Variants in ARMC3 observed in about 807,000 individuals in gnomAD.
ARMC3 encodes armadillo repeat-containing protein 3.
A neutral mutation model predicts 90.3 loss-of-function variants in ARMC3; 74 were observed. That is an observed-to-expected ratio of 0.82 (90% confidence interval 0.68 to 0.99). The LOEUF is 0.99. Ranked by LOEUF, ARMC3 falls within the 50% of genes least tolerant of loss-of-function variation. ARMC3 has a pLI of 0.00. For synonymous variants in ARMC3, 334 were observed against 361.8 expected, an observed-to-expected ratio of 0.92 and a Z score of 0.87; for missense variants, 958 against 1,042.8, an observed-to-expected ratio of 0.92 and a Z score of 1.12.
chr10:22,964,624 G>T (rs997215002), intron 7 of ARMC3, among the ~76,000 whole-genome samples: 2 of 151,540 alleles, frequency 1.3e-5, no homozygotes, highest in Admixed American at 6.6e-5. Flanking sequence ...TTTTTGGTTG[G>T]GGGGAGGGGT....
At chr10:22,929,403 G>T (rs1007419269) in intron 1 of ARMC3, among the ~76,000 whole-genome samples, 16 of 152,056 alleles carry the variant, frequency 1.1e-4, no homozygotes, top group Admixed American at 7.9e-4. Context: ...TATTTTATTC[G>T]TTGTGCCCTT....
chr10:23,004,392 C>T (rs940293294), intron 13 of ARMC3, among the ~76,000 whole-genome samples: 10 of 151,868 alleles, frequency 6.6e-5, no homozygotes, highest in Non-Finnish European at 1.3e-4. Flanking sequence ...TTGCCAAAAG[C>T]TGCCAAGATC....
chr10:22,928,376 G>A (rs1833797550), intron 1 of ARMC3, among the ~76,000 whole-genome samples: 1 of 152,192 alleles, frequency 6.6e-6, no homozygotes, highest in South Asian at 2.1e-4. Flanking sequence ...TTACTTGACT[G>A]TGAGCAACTC....
intron 2 of ARMC3, among the ~76,000 whole-genome samples, chr10:22,937,063 C>T (rs1456429270): frequency 1.3e-5 from 2 of 152,002 alleles, no homozygotes; most frequent in East Asian, 3.9e-4. Context: ...CCGCCATACC[C>T]GGCTAATTTT....
intron 16 of ARMC3, among the ~76,000 whole-genome samples, chr10:23,016,424 A>C (rs1307070254): frequency 6.6e-6 from 1 of 152,226 alleles, no homozygotes; most frequent in Non-Finnish European, 1.5e-5. Flanking sequence ...TCATCCACCT[A>C]TGAATGTAGA....
At chr10:22,929,521 C>G (rs1244143815) in intron 1 of ARMC3, among the ~76,000 whole-genome samples, 1 of 152,214 alleles carries the variant, frequency 6.6e-6, no homozygotes, top group East Asian at 1.9e-4. Context: ...CATTAACTAT[C>G]ATACCCAATA....
intron 7 of ARMC3, 25 bp downstream of exon 7, chr10:22,962,103 C>A (rs1318241125): frequency 6.9e-7 from 1 of 1,452,428 alleles, no homozygotes; most frequent in Non-Finnish European, 9.2e-7. Flanking sequence ...TCATTCCACC[C>A]TCTATGAGGA....
chr10:23,007,723 AGAGC>A (rs1304403108), intron 14 of ARMC3, among the ~76,000 whole-genome samples: 3 of 130,680 alleles, frequency 2.3e-5, no homozygotes, highest in African/African-American at 8.0e-5. Context: ...AAAAAGAGAG[AGAGC>A]GAGAGATCGT....
intron 4 of ARMC3, among the ~76,000 whole-genome samples, chr10:22,957,835 CA>C (rs1835011772): frequency 6.6e-6 from 1 of 151,986 alleles, no homozygotes; most frequent in African/African-American, 2.4e-5. Flanking sequence ...AAATTATAAT[CA>C]AAAAAGGGAA....
At chr10:22,977,819 G>T (rs1456957660) in intron 8 of ARMC3, among the ~76,000 whole-genome samples, 1 of 152,170 alleles carries the variant, frequency 6.6e-6, no homozygotes, top group Non-Finnish European at 1.5e-5. Context: ...CTTTCTCTCT[G>T]TTCACATATC....
At chr10:22,939,228 G>A (rs1436495315) in intron 2 of ARMC3, among the ~76,000 whole-genome samples, 1 of 152,180 alleles carries the variant, frequency 6.6e-6, no homozygotes, top group Admixed American at 6.5e-5. Flanking sequence ...AGGATTAGGT[G>A]GCTGCAGTTT....
At chr10:22,953,163 G>A (rs1834799292) in intron 3 of ARMC3, among the ~76,000 whole-genome samples, 2 of 152,124 alleles carry the variant, frequency 1.3e-5, no homozygotes, top group South Asian at 4.1e-4. Flanking sequence ...AGAAGGGCGT[G>A]ATTTCTGGCT....
intron 2 of ARMC3, 24 bp from the exon 3 acceptor site, chr10:22,946,120 G>C (rs1455550226): frequency 6.8e-7 from 1 of 1,480,898 alleles, no homozygotes; most frequent in African/African-American, 1.4e-5. Flanking sequence ...ATGTGAAACT[G>C]ATAGTTTTCT....
intron 16 of ARMC3, among the ~76,000 whole-genome samples, chr10:23,024,277 A>G (rs1838624209): frequency 6.6e-6 from 1 of 152,158 alleles, no homozygotes; most frequent in Non-Finnish European, 1.5e-5. Flanking sequence ...GGTAAAGGAA[A>G]ACTAAACAAC....
rs139499107 is a variant in ARMC3 at position 22,949,928 on chromosome 10, T to C, written c.166+3667T>C. 2.0e-3 allele frequency among the ~76,000 whole-genome samples: 303 copies of C among 152,132 alleles called. 2 individuals are homozygous for C. Among genetic ancestry groups the C allele is most frequent in the African/African-American group, 7.0e-3 (289 of 41,536 alleles). The stretch of plus-strand genomic sequence containing the variant: ...ACAGTAGATAATAACAAATTATAAA[T>C]AAGGATGATTTATCATCAGAAGTTA... On this transcript the variant is annotated intron_variant, in intron 3 of 18. Coordinates refer to ENST00000298032, the MANE Select transcript of ARMC3 (RefSeq NM_173081.5).
intron 2 of ARMC3, among the ~76,000 whole-genome samples, chr10:22,941,939 T>G (rs944457751): frequency 2.0e-5 from 3 of 152,254 alleles, no homozygotes; most frequent in Non-Finnish European, 2.9e-5. Context: ...ACTAATTTTC[T>G]TCTAGTTTAA....
chr10:22,995,696 G>A (rs191414389), intron 10 of ARMC3, among the ~76,000 whole-genome samples: 99 of 152,218 alleles, frequency 6.5e-4, no homozygotes, highest in African/African-American at 2.3e-3. Flanking sequence ...CTGACTGTTC[G>A]GATATACCTG....
intron 8 of ARMC3, among the ~76,000 whole-genome samples, chr10:22,977,689 G>C (rs564738211): frequency 1.3e-5 from 2 of 152,272 alleles, no homozygotes; most frequent in East Asian, 3.9e-4. Flanking sequence ...ATGCCAGGTA[G>C]GTCTTCAAAT....
At chr10:22,986,551 CAA>C (rs774609003) in intron 10 of ARMC3, among the ~76,000 whole-genome samples, 3 of 85,810 alleles carry the variant, frequency 3.5e-5, no homozygotes, top group Non-Finnish European at 7.5e-5. Context: ...GACTCCATCT[CAA>C]AAAAAAAAAC....
Sources: gnomAD v4.1 joint callset for allele counts (sites outside exome capture counted in the v4.1 genomes callset) on GRCh38, gnomAD v4.1.1 for gene constraint, MANE v1.5 for transcripts, NCBI Gene and HGNC (gene_info 2026-07-23, HGNC 2026-07-21) for gene names.